Variants in NPHS2 observed in about 807,000 individuals in gnomAD.
NPHS2 encodes the protein NPHS2 stomatin family member, podocin, also known as podocin.
Under a neutral mutation model 37.1 loss-of-function variants are expected in NPHS2, and 36 were observed. The ratio of observed to expected loss-of-function variants is 0.97; its 90% CI spans 0.74 to 1.28. NPHS2 has a LOEUF of 1.28. Ranked by LOEUF, NPHS2 falls within the 50% of genes most tolerant of loss-of-function variation. The pLI is 0.00. For synonymous variants in NPHS2, 196 were observed against 189.3 expected, an observed-to-expected ratio of 1.04 and a Z score of -0.29; for missense variants, 447 against 488.1, an observed-to-expected ratio of 0.92 and a Z score of 0.79.
At chr1:179,559,564 T>C in intron 4 of NPHS2, 115 bp downstream of exon 4, 1 of 731,190 alleles carries the variant, frequency 1.4e-6, no homozygotes. Context: ...TAAGTTATGA[T>C]GTAGTCCATA....
intron 2 of NPHS2, 117 bp from the exon 3 acceptor site, chr1:179,561,478 A>G: frequency 2.7e-6 from 2 of 735,438 alleles, no homozygotes; most frequent in Non-Finnish European, 2.4e-6. Context: ...CCAGGAAAAA[A>G]TTTCTATTAA....
intron 6 of NPHS2, 83 bp downstream of exon 6, chr1:179,554,390 AAAT>A: frequency 6.5e-7 from 1 of 1,549,568 alleles, no homozygotes; most frequent in Non-Finnish European, 8.9e-7. Context: ...TACTCAGTGA[AAAT>A]AATTTTTCAA....
chr1:179,563,112 A>G (rs1389998624), intron 2 of NPHS2, among the ~76,000 whole-genome samples: 1 of 152,244 alleles, frequency 6.6e-6, no homozygotes, highest in Admixed American at 6.5e-5. Flanking sequence ...GAACAGACTG[A>G]AAGTAAAAGA....
chr1:179,552,379 C>A, intron 7 of NPHS2: 1 of 596,944 alleles, frequency 1.7e-6, no homozygotes, highest in Admixed American at 2.5e-5. Context: ...GAGACTCAAG[C>A]AGTGAGTGGT....
chr1:179,560,988 A>G (rs1219562187), intron 3 of NPHS2, among the ~76,000 whole-genome samples: 3 of 152,214 alleles, frequency 2.0e-5, no homozygotes, highest in Non-Finnish European at 2.9e-5. Flanking sequence ...GACTCTGACC[A>G]TATACACATC....
intron 2 of NPHS2, among the ~76,000 whole-genome samples, chr1:179,564,454 G>C (rs141850679): frequency 6.6e-6 from 1 of 152,340 alleles, no homozygotes; most frequent in East Asian, 1.9e-4. Flanking sequence ...CAAAGTGAAA[G>C]CAGAGTGACA....
Position 179,564,695 on chromosome 1 carries a change from C to G in NPHS2, c.373G>C (p.Val125Leu). The G allele has an allele frequency of 6.2e-7, 1 of 1,613,478 alleles. No individual in the cohort carries two copies. The highest frequency in any genetic ancestry group is 8.5e-7 in the Non-Finnish European group (1 of 1,179,740). The change falls in exon 2 of 8, where the codon GTA (valine) becomes CTA (leucine). Residue 125 changes from valine to leucine, a missense_variant. Val to Leu is a conservative substitution (Grantham distance 32, BLOSUM62 1). Coordinates refer to ENST00000367615, the MANE Select transcript of NPHS2 (RefSeq NM_014625.4). ...MTFPFSIWFCVKVVQEYERVI... is the reference protein window; with the variant it reads ...MTFPFSIWFCLKVVQEYERVI... The stretch of plus-strand genomic sequence containing the variant: ...GGGTCCTTATGGAATCTCACCTTTA[C>G]GCAGAACCAGATGGAAAAAGGGAAG...
In NPHS2 at chr1:179,575,770, C is replaced by T. The variant is rs1273099099; in HGVS notation, c.95G>A (p.Ser32Asn). The change falls in exon 1 of 8, where the codon AGC becomes AAC. Residue 32 changes from serine to asparagine, a missense_variant. Transcript: ENST00000367615. ...CTCCTGGCGCCCGCGGCCTCCGCCG[C>T]TCCTCTCGGCCTTTGCCCTCTTGTT... ...KENKRAKAER[S>N]GGGRGRQEAG... The T allele has an allele frequency of 3.3e-6, 5 of 1,497,084 alleles. No individual in the cohort carries two copies. Among genetic ancestry groups the T allele is most frequent in the Non-Finnish European group, 4.4e-6 (5 of 1,127,752 alleles). 92.7% of individuals were successfully genotyped at this position (1,497,084 alleles called of 1,614,324 possible). A position where few individuals can be genotyped will look rare whatever the true frequency, so the allele number is the denominator to read the frequency against.
At chr1:179,568,086 T>G (rs962383438) in intron 1 of NPHS2, among the ~76,000 whole-genome samples, 6 of 149,272 alleles carry the variant, frequency 4.0e-5, no homozygotes, top group African/African-American at 1.6e-4. Context: ...TTAGGGAGGA[T>G]TCCCTCTTTT....
At chr1:179,559,639 G>T in intron 4 of NPHS2, 40 bp downstream of exon 4, 1 of 1,342,440 alleles carries the variant, frequency 7.4e-7, no homozygotes, top group Non-Finnish European at 1.0e-6. Context: ...GTAGACCATG[G>T]AAAATGTATA....
chr1:179,550,764 A>AGT lies in NPHS2; in HGVS notation c.*407_*408dup, dbSNP rs1417478416. 3.6e-6 allele frequency: 1 copy of AGT among 276,142 alleles called. No individual in the cohort carries two copies. The highest frequency in any genetic ancestry group is 2.2e-5 in the African/African-American group (1 of 45,662). The allele number at this position is 276,142 out of a possible 1,614,324, so 17.1% of individuals were successfully genotyped here. On this transcript the variant is annotated 3_prime_UTR_variant, in exon 8 of 8. Coordinates refer to ENST00000367615, the MANE Select transcript of NPHS2 (RefSeq NM_014625.4). ...CATCTTTGGGACAGAAGAGCAATAG[A>AGT]GTGTGACAAGCCCAATGATAGGTGC...
intron 6 of NPHS2, among the ~76,000 whole-genome samples, chr1:179,553,405 G>C (rs1489278327): frequency 6.6e-6 from 1 of 152,220 alleles, no homozygotes. Context: ...GCCTCACAAT[G>C]AAATATTATT....
intron 2 of NPHS2, among the ~76,000 whole-genome samples, chr1:179,563,046 A>T (rs1202744873): frequency 3.3e-5 from 5 of 152,184 alleles, no homozygotes; most frequent in African/African-American, 1.2e-4. Flanking sequence ...CTTTGAGAAG[A>T]GCCTGCTGCC....
At chr1:179,574,373 T>A (rs1674676839) in intron 1 of NPHS2, among the ~76,000 whole-genome samples, 1 of 152,208 alleles carries the variant, frequency 6.6e-6, no homozygotes, top group African/African-American at 2.4e-5. Flanking sequence ...AAGAGGATGG[T>A]GAGAGATTAA....
intron 1 of NPHS2, among the ~76,000 whole-genome samples, chr1:179,569,170 T>C (rs1263158357): frequency 6.6e-6 from 1 of 152,294 alleles, no homozygotes; most frequent in East Asian, 1.9e-4. Context: ...TTCCCATTAT[T>C]ATTGCATGGG....
intron 6 of NPHS2, 65 bp downstream of exon 6, chr1:179,554,411 A>AT (rs1553313436): frequency 6.2e-7 from 1 of 1,603,162 alleles, no homozygotes; most frequent in African/African-American, 1.3e-5. Context: ...CAAATGAAAA[A>AT]TTTAAAATGA....
At chr1:179,571,207 A>T (rs779208804) in intron 1 of NPHS2, among the ~76,000 whole-genome samples, 3 of 152,078 alleles carry the variant, frequency 2.0e-5, no homozygotes, top group Non-Finnish European at 4.4e-5. Context: ...GGTTTTATCT[A>T]CCTTTGGTCT....
intron 1 of NPHS2, among the ~76,000 whole-genome samples, chr1:179,570,199 G>A (rs535751993): frequency 1.3e-5 from 2 of 152,196 alleles, no homozygotes; most frequent in East Asian, 1.9e-4. Flanking sequence ...AGACCAGCTC[G>A]GTCAGGGAGA....
rs1393972836 is a variant in NPHS2, at chr1:179,550,559, TA to T, written c.*613del. 1 of 152,498 alleles carries T rather than the reference TA, an allele frequency of 6.6e-6. No individual in the cohort carries two copies. The highest frequency in any genetic ancestry group is 2.4e-5 in the African/African-American group (1 of 41,460). 9.4% of individuals were successfully genotyped at this position (152,498 alleles called of 1,614,324 possible). ...AAGAATTCCTTTTAAATGCTTTAAT[TA>T]GGGATAAATTGTATATCCGACTCCA... On this transcript the variant is annotated 3_prime_UTR_variant, in exon 8 of 8. Coordinates refer to ENST00000367615, the MANE Select transcript of NPHS2 (RefSeq NM_014625.4).
Sources: gnomAD v4.1 joint callset for allele counts (sites outside exome capture counted in the v4.1 genomes callset) on GRCh38, gnomAD v4.1.1 for gene constraint, MANE v1.5 for transcripts, NCBI Gene and HGNC (gene_info 2026-07-23, HGNC 2026-07-21) for gene names.